BARHL2: variants seen among roughly 807,000 people sequenced by gnomAD.
BARHL2 encodes the protein barH-like 2 homeobox protein.
BARHL2 carries 10 observed loss-of-function variants against 27.1 expected under a neutral mutation model. That is an observed-to-expected ratio of 0.37 (90% CI 0.23 to 0.63). The LOEUF is 0.63. Ranked by LOEUF, BARHL2 falls within the 20% of genes least tolerant of loss-of-function variation. The pLI is 0.65. For synonymous variants in BARHL2, 248 were observed against 224.7 expected (o/e 1.10, Z -0.93); for missense variants, 483 against 533.5 (o/e 0.91, Z 0.93).
chr1:90,713,749 C>T (rs1261167698), intron 2 of BARHL2, among the ~76,000 whole-genome samples: 1 of 152,204 alleles, frequency 6.6e-6, no homozygotes, highest in Non-Finnish European at 1.5e-5. Flanking sequence ...GCCCAGGTTC[C>T]ACTCTACACT....
At chr1:90,713,941 T>G (rs922032235) in intron 2 of BARHL2, among the ~76,000 whole-genome samples, 2 of 152,234 alleles carry the variant, frequency 1.3e-5, no homozygotes, top group Non-Finnish European at 2.9e-5. Flanking sequence ...CAGCCGCCGA[T>G]TCTCCAGGCT....
rs776386545 is a variant in BARHL2, at chr1:90,714,637, G to C, written c.745C>G (p.Arg249Gly). Residue 249 changes from arginine (R) to glycine (G), a missense_variant, in exon 2 of 3, where the codon CGT (arginine) becomes GGT (glycine). Arg to Gly is a moderately radical substitution (Grantham distance 125). Transcript: ENST00000370445. Reference protein sequence around the residue: ...FSDHQLNQLERSFERQKYLSV... With the variant: ...FSDHQLNQLEGSFERQKYLSV... ...AGGTACTTCTGCCGCTCAAAGCTAC[G>C]CTCCAGTTGATTGAGCTGGTGGTCG... 2 of 1,614,232 alleles carry C rather than the reference G, an allele frequency of 1.2e-6. No individual in the cohort carries two copies. Among genetic ancestry groups the C allele is most frequent in the Non-Finnish European group, 1.7e-6 (2 of 1,180,046 alleles).
Position 90,717,247 on chromosome 1 carries a change from C to T in BARHL2, c.-52G>A, listed in dbSNP as rs939401828. On this transcript the variant is annotated 5_prime_UTR_variant, in exon 1 of 3. Transcript: ENST00000370445. Reference sequence around the variant, plus strand: ...CCGTTCAGCAGCCGCCCCGAACCAGCGAAGAAAGCTATCGATCGTAAAACA... The same window carrying T: ...CCGTTCAGCAGCCGCCCCGAACCAGTGAAGAAAGCTATCGATCGTAAAACA... 2 of 1,565,670 alleles carry T rather than the reference C, an allele frequency of 1.3e-6. No homozygotes were observed. Among genetic ancestry groups the T allele is most frequent in the Admixed American group, 4.1e-5 (2 of 48,310 alleles).
At position 90,712,521 on chromosome 1, in the gene BARHL2, G is replaced by A. The variant is rs1658058004; in HGVS notation, c.955C>T (p.Pro319Ser). The part of the protein sequence containing the change: ...RMFPSPYFYH[P>S]SLLGSMDSTT... ...CTGTCCATGCTGCCCAGCAGGCTTG[G>A]GTGATAGAAATAAGGCGATGGAAAC... Residue 319 changes from proline (P) to serine (S), a missense_variant, in exon 3 of 3, where the codon CCA becomes TCA. By Grantham distance (74) the Pro-to-Ser change is moderately conservative (BLOSUM62 -1). This residue lies in a region of BARHL2 where 130 missense variants were observed against 138.0 expected (regional missense o/e 0.94). Coordinates refer to ENST00000370445, the MANE Select transcript of BARHL2 (RefSeq NM_020063.2). 3.7e-6 allele frequency: 6 copies of A among 1,614,086 alleles called. No individual in the cohort carries two copies. The highest frequency in any genetic ancestry group is 5.1e-6 in the Non-Finnish European group (6 of 1,180,004).
chr1:90,713,171 C>T (rs1446722575), intron 2 of BARHL2, among the ~76,000 whole-genome samples: 2 of 152,180 alleles, frequency 1.3e-5, no homozygotes, highest in African/African-American at 2.4e-5. Flanking sequence ...ACATATTTCT[C>T]TCATAAGCCT....
In BARHL2 at chr1:90,716,698, A is replaced by T; in HGVS notation, c.498T>A (p.Ser166=). The change falls in exon 1 of 3, where the codon TCT becomes TCA. Residue 166 remains serine, a synonymous_variant. Coordinates refer to ENST00000370445, the MANE Select transcript of BARHL2 (RefSeq NM_020063.2). ...ACAPYSTSVS[S]PHHTPKQESN... ...TCTCCTGCTTCGGGGTGTGGTGGGGAGAGGATACGCTGGTGCTGTAGGGTG... is the reference window on the plus strand; with the variant it reads ...TCTCCTGCTTCGGGGTGTGGTGGGGTGAGGATACGCTGGTGCTGTAGGGTG... 6.2e-7 allele frequency: 1 copy of T among 1,611,838 alleles called. No individual in the cohort carries two copies. Among genetic ancestry groups the T allele is most frequent in the Non-Finnish European group, 8.5e-7 (1 of 1,179,034 alleles).
rs1341619719 is a variant in BARHL2 at position 90,716,922 on chromosome 1, G to T, written c.274C>A (p.Gln92Lys). ...GCCGCGGCCGGCGGCGGCGGCTGCT[G>T]GCTGTGGTGGAGGTGGTGATGATGC... ...TQHHHHLHHS[Q>K]QPPPPAAAPT... Residue 92 changes from glutamine to lysine, a missense_variant, in exon 1 of 3, where the codon CAG (glutamine) becomes AAG (lysine). Transcript: ENST00000370445. The T allele has an allele frequency of 6.2e-7, 1 of 1,608,764 alleles. No homozygotes were observed. Among genetic ancestry groups the T allele is most frequent in the East Asian group, 2.2e-5 (1 of 44,486 alleles).
rs1260813956 is a variant in BARHL2 at position 90,716,905 on chromosome 1, C to A, written c.291G>T (p.Pro97=). The change falls in exon 1 of 3, where the codon CCG becomes CCT. Residue 97 remains proline (P), a synonymous_variant. Transcript: ENST00000370445. ...HLHHSQQPPP[P]AAAPTQSLQP... is the part of the protein sequence containing the mutation. ...GCAAACTTTGCGTCGGGGCCGCGGC[C>A]GGCGGCGGCGGCTGCTGGCTGTGGT... 1 of 1,589,126 alleles carries A rather than the reference C, an allele frequency of 6.3e-7. No homozygotes were observed. Among genetic ancestry groups the A allele is most frequent in the Non-Finnish European group, 8.5e-7 (1 of 1,170,766 alleles).
intron 2 of BARHL2, among the ~76,000 whole-genome samples, chr1:90,713,993 T>C (rs1177274585): frequency 3.3e-5 from 5 of 152,162 alleles, no homozygotes; most frequent in African/African-American, 1.2e-4. Flanking sequence ...GCTCTCCTAG[T>C]CTCTGCAGCT....
chr1:90,716,429 G>T, intron 1 of BARHL2, 142 bp downstream of exon 1: 1 of 856,854 alleles, frequency 1.2e-6, no homozygotes, highest in Non-Finnish European at 1.9e-6. Context: ...CCTCCCTTCA[G>T]CTGCAGTCTT....
chr1:90,712,372 C>G lies in BARHL2; in HGVS notation c.1104G>C (p.Gly368=). ...ACAATGGATTAAGGGCTGGCTGTCC[C>G]CCAGGCCCTAGGCCGTGGATGAGCA... is the stretch of plus-strand genomic sequence containing the variant. ...PRVLIHGLGP[G]GQPALNPLSS... is the part of the protein sequence containing the mutation. Residue 368 remains glycine, a synonymous_variant, in exon 3 of 3, where the codon GGG becomes GGC. Transcript: ENST00000370445. 1 of 1,562,422 alleles carries G rather than the reference C, an allele frequency of 6.4e-7. No homozygotes were observed. The highest frequency in any genetic ancestry group is 1.2e-5 in the South Asian group (1 of 85,804).
rs371381754 is a variant in BARHL2, at chr1:90,712,261, G to A, written c.*51C>T. On this transcript the variant is annotated 3_prime_UTR_variant, in exon 3 of 3. Coordinates refer to ENST00000370445, the MANE Select transcript of BARHL2 (RefSeq NM_020063.2). ...CAGGGAGAGGACGGGCAGCAGTCCG[G>A]GTTGGGCAGGGATATGGGGAAGGGA... The A allele has an allele frequency of 3.7e-5, 53 of 1,416,146 alleles. No individual in the cohort carries two copies. The highest frequency in any genetic ancestry group is 2.0e-4 in the Admixed American group (7 of 34,796). The allele number at this position is 1,416,146 out of a possible 1,614,324, so 87.7% of individuals were successfully genotyped here.
chr1:90,711,807 C>T lies in BARHL2; in HGVS notation c.*505G>A, dbSNP rs1658037266. 6.6e-6 allele frequency: 1 copy of T among 152,110 alleles called. No homozygotes were observed. 9.4% of individuals were successfully genotyped at this position (152,110 alleles called of 1,614,324 possible). A position where few individuals can be genotyped will look rare whatever the true frequency, so the allele number is the denominator to read the frequency against. On this transcript the variant is annotated 3_prime_UTR_variant, in exon 3 of 3. Coordinates refer to ENST00000370445, the MANE Select transcript of BARHL2 (RefSeq NM_020063.2). ...GGTCATGAGAAATCAGTGCAAAGTT[C>T]TCAGTTACCCTCCTCTTTTCTCTGG...
In BARHL2 at chr1:90,712,402, G is replaced by C; in HGVS notation, c.1074C>G (p.Pro358=). ...GCCCTAGGCCGTGGATGAGCACACG[G>C]GGCACCAGGGGCCGCTGCAGCTGGG... ...PHPQLQRPLV[P]RVLIHGLGPG... The change falls in exon 3 of 3, where the codon CCC becomes CCG. Residue 358 remains proline (P), a synonymous_variant. Coordinates refer to ENST00000370445, the MANE Select transcript of BARHL2 (RefSeq NM_020063.2). The C allele has an allele frequency of 5.0e-6, 8 of 1,600,282 alleles. No individual in the cohort carries two copies. Among genetic ancestry groups the C allele is most frequent in the Non-Finnish European group, 6.8e-6 (8 of 1,172,890 alleles).
rs1284752634 is a variant in BARHL2, at chr1:90,711,616, T to C, written c.*696A>G. 1 of 152,248 alleles carries C rather than the reference T, an allele frequency of 6.6e-6. No homozygotes were observed. Among genetic ancestry groups the C allele is most frequent in the Non-Finnish European group, 1.5e-5 (1 of 68,036 alleles). The allele number at this position is 152,248 out of a possible 1,614,324, so 9.4% of individuals were successfully genotyped here. A position where few individuals can be genotyped will look rare whatever the true frequency, so the allele number is the denominator to read the frequency against. ...TATATTTTTGTCTAAGCATTTATTT[T>C]ACTGAATCGAAAAGACATGAAAAGA... On this transcript the variant is annotated 3_prime_UTR_variant, in exon 3 of 3. Transcript: ENST00000370445.
In BARHL2 at chr1:90,716,885, CT is replaced by C. The variant is rs1658160360; in HGVS notation, c.310del (p.Ser104ValfsTer40). 1 of 1,590,126 alleles carries C rather than the reference CT, an allele frequency of 6.3e-7. No homozygotes were observed. The highest frequency in any genetic ancestry group is 2.3e-5 in the East Asian group (1 of 43,076). On this transcript the variant is annotated frameshift_variant, in exon 1 of 3. Transcript: ENST00000370445. LOFTEE classifies it high-confidence loss of function. ...CTGCTGTTGGGGCAAAGGCTGCAAA[CT>C]TTGCGTCGGGGCCGCGGCCGGCGGC... ...PPPPAAAPTQ[S>X]LQPLPQQQQP...
At chr1:90,714,934 G>A (rs762359390) in intron 1 of BARHL2, among the ~76,000 whole-genome samples, 178 bp from the exon 2 acceptor site, 22 of 152,298 alleles carry the variant, frequency 1.4e-4, no homozygotes, top group South Asian at 2.1e-4. Context: ...GAAGAGGATT[G>A]TTTTCAGACT....
intron 2 of BARHL2, among the ~76,000 whole-genome samples, chr1:90,713,081 A>G (rs1658069719): frequency 6.6e-6 from 1 of 152,118 alleles, no homozygotes; most frequent in African/African-American, 2.4e-5. Flanking sequence ...CCAGGCTGTG[A>G]GAGAAGAAAC....
At position 90,717,223 on chromosome 1, in the gene BARHL2, C is replaced by G; in HGVS notation, c.-28G>C. The G allele has an allele frequency of 6.3e-7, 1 of 1,591,616 alleles. No homozygotes were observed. The highest frequency in any genetic ancestry group is 1.8e-5 in the Admixed American group (1 of 55,246). On this transcript the variant is annotated 5_prime_UTR_variant, in exon 1 of 3. Coordinates refer to ENST00000370445, the MANE Select transcript of BARHL2 (RefSeq NM_020063.2). The stretch of plus-strand genomic sequence containing the variant: ...CTACATGAGGTCCACGCCACTCCGC[C>G]GTTCAGCAGCCGCCCCGAACCAGCG...
Sources: gnomAD v4.1 joint callset for allele counts (sites outside exome capture counted in the v4.1 genomes callset) on GRCh38, gnomAD v4.1.1 for gene constraint, gnomAD v4.1.1 regional missense constraint, MANE v1.5 for transcripts, NCBI Gene and HGNC (gene_info 2026-07-23, HGNC 2026-07-21) for gene names.